The following THSD4 variants were observed in gnomAD, a reference collection of about 807,000 sequenced individuals.
THSD4 encodes thrombospondin type-1 domain-containing protein 4.
A neutral mutation model predicts 119.0 loss-of-function variants in THSD4; 69 were observed. That is an observed-to-expected ratio of 0.58 (90% CI 0.48 to 0.71). The LOEUF (loss-of-function observed/expected upper bound fraction) is 0.71. THSD4 is among the 30% of genes least tolerant of loss of function. The pLI is 0.00. For missense variants in THSD4, 1,393 were observed against 1,391.1 expected, an observed-to-expected ratio of 1.00 and a Z score of -0.02; for synonymous variants, 524 against 540.4, an observed-to-expected ratio of 0.97 and a Z score of 0.42.
At chr15:71,254,748 A>G (rs751641798) in intron 5 of THSD4, among the ~76,000 whole-genome samples, 3 of 152,108 alleles carry the variant, frequency 2.0e-5, no homozygotes, top group Non-Finnish European at 4.4e-5. Context: ...TGTTGCTGGA[A>G]GCTTACATGG....
chr15:71,467,237 G>C (rs867961044), intron 7 of THSD4, among the ~76,000 whole-genome samples: 2 of 152,330 alleles, frequency 1.3e-5, no homozygotes, highest in Middle Eastern at 6.8e-3. Context: ...ATCATGAGAG[G>C]TGTGGAAGGA....
intron 8 of THSD4, among the ~76,000 whole-genome samples, chr15:71,665,278 C>T (rs568094131): frequency 6.6e-6 from 1 of 152,082 alleles, no homozygotes; most frequent in African/African-American, 2.4e-5. Flanking sequence ...TGCTTGTTGG[C>T]CATACATACG....
intron 17 of THSD4, among the ~76,000 whole-genome samples, chr15:71,772,771 A>T (rs2053844577): frequency 6.6e-6 from 1 of 152,220 alleles, no homozygotes; most frequent in African/African-American, 2.4e-5. Context: ...AGTTTGATAA[A>T]GGGGGAATGA....
intron 7 of THSD4, among the ~76,000 whole-genome samples, chr15:71,496,212 G>T (rs547099931): frequency 7.9e-5 from 12 of 152,262 alleles, no homozygotes; most frequent in Non-Finnish European, 1.6e-4. Context: ...CTGAACTACA[G>T]CTTTTGCATG....
At chr15:71,131,597 C>T (rs1043402716) in intron 1 of THSD4, among the ~76,000 whole-genome samples, 1 of 152,116 alleles carries the variant, frequency 6.6e-6, no homozygotes, top group Non-Finnish European at 1.5e-5. Flanking sequence ...TCCAACTTTA[C>T]CAATAATCAC....
At chr15:71,589,058 G>A (rs1271034506) in intron 7 of THSD4, among the ~76,000 whole-genome samples, 2 of 152,164 alleles carry the variant, frequency 1.3e-5, no homozygotes, top group African/African-American at 4.8e-5. Flanking sequence ...TTGCTGGAGA[G>A]TGATTTAAAA....
chr15:71,284,444 C>G (rs1331023406), intron 6 of THSD4, among the ~76,000 whole-genome samples: 1 of 152,122 alleles, frequency 6.6e-6, no homozygotes, highest in Non-Finnish European at 1.5e-5. Context: ...GAAGTGGTTC[C>G]ATGCTACATT....
intron 7 of THSD4, among the ~76,000 whole-genome samples, chr15:71,531,300 C>A (rs2048606454): frequency 1.3e-5 from 2 of 152,152 alleles, no homozygotes; most frequent in Non-Finnish European, 2.9e-5. Context: ...TGACCTGTTT[C>A]CGCTCTTGTT....
intron 7 of THSD4, among the ~76,000 whole-genome samples, chr15:71,618,721 G>T (rs561310573): frequency 6.6e-6 from 1 of 151,762 alleles, no homozygotes; most frequent in African/African-American, 2.4e-5. Context: ...CCACAGGTGC[G>T]TGTCACCACA....
intron 6 of THSD4, among the ~76,000 whole-genome samples, chr15:71,324,322 C>G (rs900603944): frequency 6.6e-6 from 1 of 151,682 alleles, no homozygotes; most frequent in Non-Finnish European, 1.5e-5. Flanking sequence ...TTTTTTATTT[C>G]AATAGCTTTT....
At chr15:71,426,506 A>G (rs540914963) in intron 7 of THSD4, among the ~76,000 whole-genome samples, 6 of 151,728 alleles carry the variant, frequency 4.0e-5, no homozygotes, top group Non-Finnish European at 8.8e-5. Flanking sequence ...CTTTTGCCCT[A>G]CGTTGCTTTT....
At chr15:71,640,840 G>A (rs969550778) in intron 7 of THSD4, among the ~76,000 whole-genome samples, 3 of 152,116 alleles carry the variant, frequency 2.0e-5, no homozygotes, top group Admixed American at 6.5e-5. Flanking sequence ...CCCATTGAGA[G>A]CAGGGATGTA....
At chr15:71,276,176 G>A (rs1467935686) in intron 6 of THSD4, among the ~76,000 whole-genome samples, 1 of 152,100 alleles carries the variant, frequency 6.6e-6, no homozygotes, top group Non-Finnish European at 1.5e-5. Flanking sequence ...CTTTTATCTG[G>A]GTAAAATCTG....
At chr15:71,111,326 C>T (rs1596202724), upstream of THSD4, 1 of 1,613,936 alleles carries the variant, frequency 6.2e-7, no homozygotes, top group Non-Finnish European at 8.5e-7. Context: ...GCTGTGGCTG[C>T]AGAATTTTCT....
At chr15:71,401,287 A>C (rs1422689999) in intron 6 of THSD4, among the ~76,000 whole-genome samples, 1 of 152,224 alleles carries the variant, frequency 6.6e-6, no homozygotes, top group Admixed American at 6.5e-5. Flanking sequence ...GTTGATTTTG[A>C]ATAGAGATGG....
At chr15:71,673,328 G>A (rs993154201) in intron 8 of THSD4, among the ~76,000 whole-genome samples, 12 of 152,040 alleles carry the variant, frequency 7.9e-5, no homozygotes, top group African/African-American at 2.9e-4. Flanking sequence ...TGGGATCGGT[G>A]GTGATATCCC....
intron 6 of THSD4, among the ~76,000 whole-genome samples, chr15:71,284,919 A>G (rs538149575): frequency 1.3e-5 from 2 of 152,280 alleles, no homozygotes; most frequent in African/African-American, 4.8e-5. Context: ...CGAGTGGATA[A>G]ATAAAGCAAG....
intron 4 of THSD4, among the ~76,000 whole-genome samples, chr15:71,221,915 G>GTT (rs146576344): frequency 2.4e-4 from 36 of 151,198 alleles, no homozygotes; most frequent in African/African-American, 8.5e-4. Context: ...GTTATTTTCT[G>GTT]TTTTTTTTTG....
chr15:71,517,812 C>T (rs1353263451), intron 7 of THSD4, among the ~76,000 whole-genome samples: 1 of 152,226 alleles, frequency 6.6e-6, no homozygotes, highest in African/African-American at 2.4e-5. Flanking sequence ...CCAAACCTTG[C>T]TCTGTGGCAT....
Sources: allele counts gnomAD v4.1 joint callset (sites outside exome capture counted in the v4.1 genomes callset), GRCh38; gene constraint gnomAD v4.1.1; transcripts MANE v1.5; gene names NCBI Gene and HGNC (gene_info 2026-07-23, HGNC 2026-07-21).